Variants in MTA3 observed in about 807,000 individuals in gnomAD.
MTA3 encodes metastasis associated 1 family member 3.
MTA3 carries 34 observed loss-of-function variants against 83.5 expected under a neutral mutation model. The ratio of observed to expected loss-of-function variants is 0.41; its 90% CI spans 0.31 to 0.54. The LOEUF (loss-of-function observed/expected upper bound fraction) is 0.54. MTA3 is among the 20% of genes least tolerant of loss of function. The probability of loss-of-function intolerance (pLI) is 0.33; values close to 1 mark genes in which losing one functional copy is unlikely to be tolerated. For synonymous variants in MTA3, 303 were observed against 252.7 expected, an observed-to-expected ratio of 1.20 and a Z score of -1.89; for missense variants, 761 against 726.4, an observed-to-expected ratio of 1.05 and a Z score of -0.55.
intron 2 of MTA3, among the ~76,000 whole-genome samples, chr2:42,551,081 A>AAATT (rs1203232336): frequency 6.6e-6 from 1 of 151,556 alleles, no homozygotes; most frequent in Non-Finnish European, 1.5e-5. Flanking sequence ...ATAAATAAAT[A>AAATT]AATAAATTAA....
intron 2 of MTA3, among the ~76,000 whole-genome samples, chr2:42,550,844 C>A (rs1245485609): frequency 6.6e-6 from 1 of 151,960 alleles, no homozygotes; most frequent in African/African-American, 2.4e-5. Flanking sequence ...GAGTTCAAGA[C>A]CAGCCTGGCC....
chr2:42,538,843 C>T (rs1300256247), intron 2 of MTA3, among the ~76,000 whole-genome samples: 7 of 146,044 alleles, frequency 4.8e-5, no homozygotes, highest in Non-Finnish European at 9.0e-5. Context: ...GGCGCAATCT[C>T]GGCTCACTGC....
intron 2 of MTA3, among the ~76,000 whole-genome samples, chr2:42,497,391 C>T (rs917398339): frequency 2.6e-5 from 4 of 151,916 alleles, no homozygotes; most frequent in African/African-American, 7.3e-5. Context: ...TCGAGAGCAG[C>T]CTGGCCAAGA....
At chr2:42,587,045 T>C (rs568265482) in intron 3 of MTA3, among the ~76,000 whole-genome samples, 12 of 148,090 alleles carry the variant, frequency 8.1e-5, no homozygotes, top group East Asian at 2.0e-4. Flanking sequence ...ATGCAAAAAT[T>C]AGTCAGGTGT....
chr2:42,742,553 A>G (rs1287262883), intron 16 of MTA3, among the ~76,000 whole-genome samples: 3 of 152,226 alleles, frequency 2.0e-5, no homozygotes, highest in African/African-American at 7.2e-5. Flanking sequence ...GTTGGGGCAT[A>G]GGAGCTATAT....
chr2:42,524,834 A>AG lies in MTA3; in HGVS notation c.-141+29580_-141+29581insG, dbSNP rs1344206002. On this transcript the variant is annotated intron_variant, in intron 2 of 17. Coordinates refer to the MTA3 transcript ENST00000405592. ...AAAAACCTATCTAGCATCCAAAAAA[A>AG]AAAAAAGAAAAAAAGAGACACCTGC... Among the ~76,000 whole-genome samples, 21 of 146,984 alleles carry AG rather than the reference A, an allele frequency of 1.4e-4. No homozygotes were observed. The East Asian group carries it at 2.2e-3, about 16-fold the overall frequency.
At chr2:42,601,752 T>G (rs1426248584) in intron 3 of MTA3, among the ~76,000 whole-genome samples, 1 of 152,124 alleles carries the variant, frequency 6.6e-6, no homozygotes, top group Non-Finnish European at 1.5e-5. Context: ...CGATCTCAGC[T>G]CACTGCAACC....
intron 8 of MTA3, among the ~76,000 whole-genome samples, chr2:42,677,938 C>T (rs890951305): frequency 2.0e-5 from 3 of 152,112 alleles, no homozygotes; most frequent in South Asian, 4.1e-4. Flanking sequence ...CAGTTGGCTA[C>T]GGGTAACTGA....
At chr2:42,558,559 AT>A (rs754200398) in intron 2 of MTA3, among the ~76,000 whole-genome samples, 228 of 129,776 alleles carry the variant, frequency 1.8e-3, no homozygotes, top group African/African-American at 2.7e-3. Flanking sequence ...CTTTAAAAAA[AT>A]TTTTTTTTTT....
intron 2 of MTA3, among the ~76,000 whole-genome samples, chr2:42,555,851 C>A (rs1677360474): frequency 6.6e-6 from 1 of 151,906 alleles, no homozygotes; most frequent in Admixed American, 6.6e-5. Context: ...GAGGGTGGAT[C>A]ACCTGAGGTC....
intron 3 of MTA3, among the ~76,000 whole-genome samples, chr2:42,587,201 A>AG (rs1680440887): frequency 6.6e-6 from 1 of 152,040 alleles, no homozygotes; most frequent in African/African-American, 2.4e-5. Context: ...TCAAAAAAAA[A>AG]AGTAAAATAA....
At chr2:42,693,801 C>A (rs1481848790) in intron 9 of MTA3, among the ~76,000 whole-genome samples, 6 of 152,110 alleles carry the variant, frequency 3.9e-5, no homozygotes, top group African/African-American at 1.4e-4. Context: ...ACTTTTCCAT[C>A]TTTTTAAACA....
At chr2:42,622,815 C>G (rs1029168839) in intron 4 of MTA3, among the ~76,000 whole-genome samples, 2 of 151,988 alleles carry the variant, frequency 1.3e-5, no homozygotes, top group African/African-American at 4.8e-5. Flanking sequence ...ATCTTGAGAA[C>G]AAAAGTTTTG....
intron 14 of MTA3, among the ~76,000 whole-genome samples, chr2:42,709,843 C>A (rs1245891383): frequency 1.3e-5 from 2 of 152,166 alleles, no homozygotes; most frequent in Non-Finnish European, 2.9e-5. Context: ...ACTTACTACT[C>A]TTATTTTCAA....
intron 16 of MTA3, among the ~76,000 whole-genome samples, chr2:42,745,583 G>C (rs915619755): frequency 6.6e-6 from 1 of 152,066 alleles, no homozygotes; most frequent in Non-Finnish European, 1.5e-5. Flanking sequence ...AGGGGGTCTT[G>C]CTATGTTGCT....
At chr2:42,506,757 A>G (rs1674649258) in intron 2 of MTA3, among the ~76,000 whole-genome samples, 1 of 151,888 alleles carries the variant, frequency 6.6e-6, no homozygotes, top group Non-Finnish European at 1.5e-5. Context: ...ACAGGCACAG[A>G]CCACCACACC....
At chr2:42,663,922 G>T (rs1689974533) in intron 8 of MTA3, among the ~76,000 whole-genome samples, 1 of 152,006 alleles carries the variant, frequency 6.6e-6, no homozygotes, top group Non-Finnish European at 1.5e-5. Flanking sequence ...ATTCTTTCTA[G>T]TTATTTATTA....
At chr2:42,664,884 C>T (rs77983741) in intron 8 of MTA3, among the ~76,000 whole-genome samples, 1 of 152,196 alleles carries the variant, frequency 6.6e-6, no homozygotes, top group Non-Finnish European at 1.5e-5. Context: ...TGTCAAATCA[C>T]CAATAATGTA....
At chr2:42,672,618 C>T (rs1690918995) in intron 8 of MTA3, among the ~76,000 whole-genome samples, 1 of 118,040 alleles carries the variant, frequency 8.5e-6, no homozygotes, top group Admixed American at 1.2e-4. Context: ...GAACTCTAGC[C>T]CGGGTCACAG....
Sources: allele counts gnomAD v4.1 joint callset (sites outside exome capture counted in the v4.1 genomes callset), GRCh38; gene constraint gnomAD v4.1.1; transcripts MANE v1.5; gene names NCBI Gene and HGNC (gene_info 2026-07-23, HGNC 2026-07-21).